TASP1: variants seen among roughly 807,000 people sequenced by gnomAD.
The protein encoded by TASP1 is taspase 1.
In TASP1, 16 loss-of-function variants were observed where a neutral mutation model predicts 56.6. The ratio of observed to expected loss-of-function variants is 0.28; its 90% CI spans 0.19 to 0.43. TASP1 has a LOEUF of 0.43. TASP1 is among the 20% of genes least tolerant of loss of function. The probability of loss-of-function intolerance (pLI) is 1.00; values close to 1 mark genes in which losing one functional copy is unlikely to be tolerated. For synonymous variants in TASP1, 179 were observed against 184.2 expected (o/e 0.97, Z 0.23); for missense variants, 393 against 511.6 (o/e 0.77, Z 2.24).
At chr20:13,533,648 C>A (rs1277169596) in intron 9 of TASP1, among the ~76,000 whole-genome samples, 3 of 152,088 alleles carry the variant, frequency 2.0e-5, no homozygotes, top group Non-Finnish European at 2.9e-5. Flanking sequence ...AAAATCATTT[C>A]TCCAACTAAA....
intron 1 of TASP1, among the ~76,000 whole-genome samples, chr20:13,637,567 T>G (rs1446011645): frequency 1.3e-5 from 2 of 152,174 alleles, no homozygotes; most frequent in Non-Finnish European, 2.9e-5. Context: ...TAAAACAGAA[T>G]GAAATACTGA....
chr20:13,540,728 T>C (rs1213297725), intron 8 of TASP1, among the ~76,000 whole-genome samples: 1 of 152,182 alleles, frequency 6.6e-6, no homozygotes, highest in Non-Finnish European at 1.5e-5. Context: ...ACACCACCTA[T>C]GAAGGGGCAC....
chr20:13,105,464 C>G, the TASP1 span, among the ~76,000 whole-genome samples: 1 of 152,060 alleles, frequency 6.6e-6, no homozygotes, highest in Admixed American at 6.6e-5. Flanking sequence ...GCGCGGCCAC[C>G]GAAAGTCTTG....
chr20:13,508,018 T>C lies in TASP1; in HGVS notation c.874+20415A>G, dbSNP rs1482493778. On this transcript the variant is annotated intron_variant, in intron 10 of 13. Transcript: ENST00000337743. ...CAAAAATCGGGTTGAAAAAACTGAA[T>C]ATCTACGTGCAAAAAATAAAATTGG... is the stretch of plus-strand genomic sequence containing the variant. Among the ~76,000 whole-genome samples, 7 of 152,164 alleles carry C rather than the reference T, an allele frequency of 4.6e-5. No individual in the cohort carries two copies. The South Asian group carries it at 6.2e-4, about 14-fold the overall frequency.
At chr20:13,409,217 G>T (rs759156097) in intron 13 of TASP1, among the ~76,000 whole-genome samples, 1 of 151,910 alleles carries the variant, frequency 6.6e-6, no homozygotes, top group African/African-American at 2.4e-5. Flanking sequence ...ATAATAACTT[G>T]TTGAATGTAA....
At chr20:13,140,640 A>C in the TASP1 span, among the ~76,000 whole-genome samples, 1 of 147,098 alleles carries the variant, frequency 6.8e-6, no homozygotes, top group South Asian at 2.1e-4. Context: ...GCATATCTAC[A>C]GGATTAAAAA....
chr20:13,387,728 G>A (rs2041174911), downstream of TASP1, among the ~76,000 whole-genome samples: 2 of 152,184 alleles, frequency 1.3e-5, no homozygotes, highest in African/African-American at 4.8e-5. Context: ...AGTTCTTTGA[G>A]AAATCTCCAG....
intron 8 of TASP1, among the ~76,000 whole-genome samples, chr20:13,541,865 G>A (rs2045634060): frequency 6.6e-6 from 1 of 152,006 alleles, no homozygotes; most frequent in Non-Finnish European, 1.5e-5. Context: ...AACACACAGT[G>A]AAACCCTGTC....
chr20:13,598,197 G>A lies in TASP1; in HGVS notation c.283-10827C>T, dbSNP rs551973759. 2.3e-4 allele frequency among the ~76,000 whole-genome samples: 35 copies of A among 152,080 alleles called. No homozygotes were observed. In the South Asian group the frequency reaches 6.8e-3, roughly 30 times the overall value. On this transcript the variant is annotated intron_variant, in intron 4 of 13. Transcript: ENST00000337743. ...GAAAAACTACTTTAAAGTTCATATGGAACCAAAAAAAGAGCCTGCATTGCC... is the reference window on the plus strand; with the variant it reads ...GAAAAACTACTTTAAAGTTCATATGAAACCAAAAAAAGAGCCTGCATTGCC...
chr20:13,311,868 G>A, the TASP1 span, among the ~76,000 whole-genome samples: 2 of 152,260 alleles, frequency 1.3e-5, no homozygotes, highest in African/African-American at 4.8e-5. Flanking sequence ...GAGATTTATT[G>A]TACAGCATGA....
chr20:13,396,855 GAT>G (rs2041560406), intron 13 of TASP1, among the ~76,000 whole-genome samples: 1 of 152,170 alleles, frequency 6.6e-6, no homozygotes, highest in African/African-American at 2.4e-5. Flanking sequence ...CTGAAACAGG[GAT>G]ATATACAGGG....
At chr20:13,226,326 T>C in the TASP1 span, among the ~76,000 whole-genome samples, 1 of 152,330 alleles carries the variant, frequency 6.6e-6, no homozygotes, top group East Asian at 1.9e-4. Context: ...TTATCTGTAC[T>C]TAATACAAGA....
chr20:13,161,271 C>T, the TASP1 span, among the ~76,000 whole-genome samples: 2 of 152,144 alleles, frequency 1.3e-5, no homozygotes, highest in East Asian at 3.9e-4. Context: ...TAAGGAACAG[C>T]AAATTTTCAA....
At chr20:13,387,184 A>ATTTTTTTTTTTTTTTTTTT (rs779048448), downstream of TASP1, among the ~76,000 whole-genome samples, 23 of 70,702 alleles carry the variant, frequency 3.3e-4, no homozygotes, top group African/African-American at 1.4e-3. Flanking sequence ...ACATGATTTC[A>ATTTTTTTTTTTTTTTTTTT]TTTTTTTTTT....
intron 11 of TASP1, among the ~76,000 whole-genome samples, chr20:13,448,939 G>T (rs6033711): frequency 6.6e-6 from 1 of 152,012 alleles, no homozygotes; most frequent in East Asian, 1.9e-4. Context: ...AGTTGTCTTC[G>T]AGTGAGGTAA....
intron 11 of TASP1, among the ~76,000 whole-genome samples, chr20:13,436,518 G>A (rs1352026324): frequency 6.6e-6 from 1 of 152,072 alleles, no homozygotes; most frequent in Non-Finnish European, 1.5e-5. Context: ...CAAAAAGGAA[G>A]TGACTCCTCC....
At chr20:13,534,702 T>C (rs898639162) in intron 8 of TASP1, among the ~76,000 whole-genome samples, 1 of 152,194 alleles carries the variant, frequency 6.6e-6, no homozygotes, top group Non-Finnish European at 1.5e-5. Flanking sequence ...CCTTCTCTCC[T>C]ATAACAGTAA....
intron 13 of TASP1, among the ~76,000 whole-genome samples, chr20:13,408,324 T>C (rs2041992253): frequency 6.6e-6 from 1 of 152,206 alleles, no homozygotes; most frequent in Admixed American, 6.5e-5. Context: ...ACTTTTGAAA[T>C]GTTAAGTCAA....
At chr20:13,587,178 A>G (rs1264519566) in intron 5 of TASP1, 72 bp downstream of exon 5, 1 of 1,506,426 alleles carries the variant, frequency 6.6e-7, no homozygotes, top group Non-Finnish European at 8.9e-7. Flanking sequence ...AAAGACTGTA[A>G]TCATCTTTAG....
Sources: allele counts gnomAD v4.1 joint callset (sites outside exome capture counted in the v4.1 genomes callset), GRCh38; gene constraint gnomAD v4.1.1; transcripts MANE v1.5; gene names NCBI Gene and HGNC (gene_info 2026-07-23, HGNC 2026-07-21).